GRK4: variants seen among roughly 807,000 people sequenced by gnomAD.
The protein encoded by GRK4 is G protein-coupled receptor kinase 4.
Under a neutral mutation model 77.9 loss-of-function variants are expected in GRK4, and 73 were observed. That is an observed-to-expected ratio of 0.94 (90% CI 0.78 to 1.14). The LOEUF (loss-of-function observed/expected upper bound fraction) is 1.14, where lower values mean the gene tolerates loss of function less well. Among genes scored for constraint, GRK4 ranks in the 50% most tolerant of loss-of-function variants. GRK4 has a pLI of 0.00. For missense variants in GRK4, 729 were observed against 700.2 expected (o/e 1.04, Z -0.46); for synonymous variants, 257 against 254.4 (o/e 1.01, Z -0.10).
chr4:3,001,672 C>T (rs957136239), intron 4 of GRK4, among the ~76,000 whole-genome samples: 1 of 152,082 alleles, frequency 6.6e-6, no homozygotes, highest in Non-Finnish European at 1.5e-5. Flanking sequence ...CGCCCGAGAC[C>T]ATAGTTATTG....
intron 5 of GRK4, among the ~76,000 whole-genome samples, chr4:3,005,353 T>C (rs1482100235): frequency 6.6e-6 from 1 of 151,730 alleles, no homozygotes; most frequent in Non-Finnish European, 1.5e-5. Flanking sequence ...GGGTGCAACT[T>C]AGAGGTTAAA....
At chr4:2,972,775 C>T (rs932928601) in intron 1 of GRK4, among the ~76,000 whole-genome samples, 2 of 152,092 alleles carry the variant, frequency 1.3e-5, no homozygotes, top group African/African-American at 4.8e-5. Flanking sequence ...CACTCTGTCA[C>T]CCAGGCTGGA....
rs1256344300 is a variant in GRK4, at chr4:3,029,380, T to C, written c.1240T>C (p.Ser414Pro). Reference protein sequence around the residue: ...NDTEEYSEKFSEDAKSICRML... With the variant: ...NDTEEYSEKFPEDAKSICRML... ...TACCGAGGAGTATTCTGAGAAGTTT[T>C]CAGAGGATGCCAAATCTATCTGCAG... Residue 414 changes from serine to proline, a missense_variant, in exon 12 of 16, where the codon TCA (serine) becomes CCA (proline). Ser to Pro is a moderately conservative substitution (Grantham distance 74). Coordinates refer to ENST00000398052, the MANE Select transcript of GRK4 (RefSeq NM_182982.3). 1 of 1,614,130 alleles carries C rather than the reference T, an allele frequency of 6.2e-7. No homozygotes were observed. Among genetic ancestry groups the C allele is most frequent in the East Asian group, 2.2e-5 (1 of 44,890 alleles).
At chr4:2,966,380 C>T (rs1286380196) in intron 1 of GRK4, 1 of 151,652 alleles carries the variant, frequency 6.6e-6, no homozygotes, top group African/African-American at 2.4e-5. Flanking sequence ...CCACGGCACT[C>T]CAGCCTGGGT....
intron 1 of GRK4, among the ~76,000 whole-genome samples, chr4:2,981,141 A>C (rs1246321768): frequency 1.3e-5 from 2 of 152,226 alleles, no homozygotes; most frequent in African/African-American, 4.8e-5. Flanking sequence ...AGCTTCAAAG[A>C]GGGTGTCACA....
At chr4:3,040,109 A>G (rs1741978848) in intron 15 of GRK4, among the ~76,000 whole-genome samples, 1 of 152,184 alleles carries the variant, frequency 6.6e-6, no homozygotes, top group African/African-American at 2.4e-5. Flanking sequence ...TGAAGTAAAT[A>G]AGGAGAAAAT....
intron 8 of GRK4, among the ~76,000 whole-genome samples, 195 bp from the exon 9 acceptor site, chr4:3,019,446 G>A (rs76654418): frequency 0.012 from 1,842 of 152,318 alleles, 33 homozygotes; most frequent in African/African-American, 0.042. Context: ...TGGCTACACA[G>A]CTGCGGTAAA....
intron 1 of GRK4, among the ~76,000 whole-genome samples, chr4:2,964,420 C>G (rs951989986): frequency 6.6e-6 from 1 of 152,000 alleles, no homozygotes; most frequent in African/African-American, 2.4e-5. Context: ...GGTGTGACCT[C>G]GGTGACAGTG....
At chr4:2,974,249 C>T (rs1720453410) in intron 1 of GRK4, among the ~76,000 whole-genome samples, 1 of 152,180 alleles carries the variant, frequency 6.6e-6, no homozygotes, top group South Asian at 2.1e-4. Flanking sequence ...GGCTTTCTCC[C>T]TAAAATTAAG....
chr4:3,004,458 G>A (rs958687261), intron 5 of GRK4, 124 bp downstream of exon 5: 37 of 586,772 alleles, frequency 6.3e-5, no homozygotes, highest in Middle Eastern at 2.8e-4. Flanking sequence ...AACAACATGG[G>A]CATTAGGGAC....
At chr4:2,987,769 G>C (rs572460501) in intron 2 of GRK4, among the ~76,000 whole-genome samples, 1 of 152,076 alleles carries the variant, frequency 6.6e-6, no homozygotes, top group Non-Finnish European at 1.5e-5. Context: ...GGTGAAACCT[G>C]TTTCTACTAA....
chr4:2,996,509 C>T (rs1045352789), intron 4 of GRK4, among the ~76,000 whole-genome samples: 2 of 151,894 alleles, frequency 1.3e-5, no homozygotes, highest in African/African-American at 2.4e-5. Flanking sequence ...GAGCTGAGTT[C>T]GCGCCACTGC....
intron 1 of GRK4, among the ~76,000 whole-genome samples, chr4:2,978,624 G>A (rs897488005): frequency 6.6e-6 from 1 of 152,156 alleles, no homozygotes; most frequent in African/African-American, 2.4e-5. Context: ...TCTTTCAAGA[G>A]CATCTTATCT....
At chr4:3,030,596 C>G (rs1457179105) in intron 12 of GRK4, among the ~76,000 whole-genome samples, 2 of 151,890 alleles carry the variant, frequency 1.3e-5, no homozygotes, top group Non-Finnish European at 2.9e-5. Context: ...TGGGGAGGAC[C>G]CGCACTCTGG....
chr4:3,001,289 A>G (rs184188865), intron 4 of GRK4, among the ~76,000 whole-genome samples: 1 of 146,628 alleles, frequency 6.8e-6, no homozygotes, highest in Admixed American at 6.9e-5. Flanking sequence ...ATGTATACAC[A>G]TACATATATA....
chr4:3,037,271 CGGTGTTTATGCGTCAGTTTGCTG>C (rs1469179464), intron 13 of GRK4, 80 bp from the exon 14 acceptor site: 17 of 1,095,152 alleles, frequency 1.6e-5, no homozygotes, highest in Non-Finnish European at 2.2e-5. Flanking sequence ...GGGAGAGTGG[CGGTGTTTATGCGTCAGTTTGCTG>C]GGCGTTTCAT....
In GRK4 at chr4:2,964,100, G is replaced by T. The variant is rs1489625938; in HGVS notation, c.30G>T (p.Ser10=). 1.2e-6 allele frequency: 2 copies of T among 1,607,666 alleles called. No individual in the cohort carries two copies. The highest frequency in any genetic ancestry group is 1.7e-6 in the Non-Finnish European group (2 of 1,178,704). The change falls in exon 1 of 16, where the codon TCG becomes TCT. Residue 10 remains serine (S), a synonymous_variant. Coordinates refer to ENST00000398052, the MANE Select transcript of GRK4 (RefSeq NM_182982.3). MELENIVAN[S]LLLKARQGGY... ...AGCTCGAGAACATCGTGGCCAACTC[G>T]CTGCTGCTGAAAGCGCGTCAAGGTG...
chr4:3,033,831 C>T (rs1212373962), intron 12 of GRK4, among the ~76,000 whole-genome samples: 1 of 152,196 alleles, frequency 6.6e-6, no homozygotes, highest in African/African-American at 2.4e-5. Flanking sequence ...GTGATCCACC[C>T]ACCTCGGCCT....
intron 12 of GRK4, among the ~76,000 whole-genome samples, chr4:3,034,598 T>C (rs1252724842): frequency 6.6e-6 from 1 of 152,178 alleles, no homozygotes; most frequent in Non-Finnish European, 1.5e-5. Context: ...GGAAGGCTTA[T>C]TTGCCTTTGT....
Sources: gnomAD v4.1 joint callset for allele counts (sites outside exome capture counted in the v4.1 genomes callset) on GRCh38, gnomAD v4.1.1 for gene constraint, MANE v1.5 for transcripts, NCBI Gene and HGNC (gene_info 2026-07-23, HGNC 2026-07-21) for gene names.